Variants in PHACTR3 observed in about 807,000 individuals in gnomAD.
PHACTR3 encodes the protein phosphatase and actin regulator 3.
A neutral mutation model predicts 66.8 loss-of-function variants in PHACTR3; 16 were observed. The observed-to-expected ratio is 0.24, with a 90% CI of 0.16 to 0.36. PHACTR3 has a LOEUF of 0.36. Among genes scored for constraint, PHACTR3 ranks in the 10% least tolerant of loss-of-function variants. PHACTR3 has a pLI of 1.00. For synonymous variants in PHACTR3, 323 were observed against 292.1 expected (o/e 1.11, Z -1.08); for missense variants, 647 against 719.9 (o/e 0.90, Z 1.16).
chr20:59,747,534 T>C (rs1032045735), intron 2 of PHACTR3, among the ~76,000 whole-genome samples: 2 of 152,212 alleles, frequency 1.3e-5, no homozygotes, highest in African/African-American at 4.8e-5. Context: ...CTGTAGAATA[T>C]CTACTGCGTG....
chr20:59,605,643 C>T (rs550700174), intron 1 of PHACTR3, among the ~76,000 whole-genome samples: 1 of 152,188 alleles, frequency 6.6e-6, no homozygotes, highest in Non-Finnish European at 1.5e-5. Flanking sequence ...CGCTAGCCCC[C>T]GGACAGGTGT....
intron 1 of PHACTR3, among the ~76,000 whole-genome samples, chr20:59,678,479 C>G (rs1361939046): frequency 6.6e-6 from 1 of 152,050 alleles, no homozygotes; most frequent in Non-Finnish European, 1.5e-5. Context: ...TCTTAGGACC[C>G]GAGGAATGGC....
At chr20:59,747,125 G>A (rs150221339) in intron 2 of PHACTR3, among the ~76,000 whole-genome samples, 9 of 152,212 alleles carry the variant, frequency 5.9e-5, no homozygotes, top group Non-Finnish European at 1.2e-4. Context: ...GTTTTGCTCC[G>A]GGAAGGGGAG....
At chr20:59,614,509 C>T (rs2033964289) in intron 1 of PHACTR3, among the ~76,000 whole-genome samples, 1 of 152,166 alleles carries the variant, frequency 6.6e-6, no homozygotes, top group African/African-American at 2.4e-5. Flanking sequence ...ATCTAATGGT[C>T]ACGACATCTG....
intron 7 of PHACTR3, among the ~76,000 whole-genome samples, chr20:59,781,353 AC>A (rs1383730539): frequency 6.6e-6 from 1 of 152,198 alleles, no homozygotes; most frequent in African/African-American, 2.4e-5. Flanking sequence ...GCCATGAGCC[AC>A]CCGTCCCAGA....
intron 1 of PHACTR3, among the ~76,000 whole-genome samples, chr20:59,586,056 A>G (rs1274089814): frequency 2.0e-5 from 3 of 152,266 alleles, no homozygotes; most frequent in African/African-American, 7.2e-5. Flanking sequence ...ATCTTCTCCA[A>G]TACCCACCCT....
chr20:59,817,008 C>T (rs2041904756), intron 8 of PHACTR3, among the ~76,000 whole-genome samples: 1 of 152,174 alleles, frequency 6.6e-6, no homozygotes, highest in Non-Finnish European at 1.5e-5. Flanking sequence ...TCTGTCCATC[C>T]ATCCATGCAA....
At chr20:59,689,451 C>G (rs998645090) in intron 1 of PHACTR3, among the ~76,000 whole-genome samples, 1 of 152,202 alleles carries the variant, frequency 6.6e-6, no homozygotes, top group African/African-American at 2.4e-5. Flanking sequence ...GTGTGGGGAT[C>G]TTGAGGAGTT....
chr20:59,704,609 T>C (rs1033723745), intron 1 of PHACTR3, among the ~76,000 whole-genome samples: 2 of 149,956 alleles, frequency 1.3e-5, no homozygotes, highest in Admixed American at 1.3e-4. Flanking sequence ...ATGCACGTCT[T>C]ATAGTATTCC....
chr20:59,638,404 G>A (rs1473818623), intron 1 of PHACTR3, among the ~76,000 whole-genome samples: 3 of 149,524 alleles, frequency 2.0e-5, no homozygotes, highest in Admixed American at 2.0e-4. Flanking sequence ...GGATGGGCAG[G>A]TGGGTGGGTG....
At chr20:59,578,230 C>G (rs1228415927) in intron 1 of PHACTR3, among the ~76,000 whole-genome samples, 5 of 152,214 alleles carry the variant, frequency 3.3e-5, no homozygotes, top group African/African-American at 1.2e-4. Context: ...CCAGCTGGGC[C>G]AGGGAAGAGG....
intron 1 of PHACTR3, among the ~76,000 whole-genome samples, chr20:59,716,206 TTGTGTGTGTGTG>T (rs201782505): frequency 0.25 from 32,269 of 128,518 alleles, 4,475 homozygotes; most frequent in Non-Finnish European, 0.32. Flanking sequence ...CCTTCACCCT[TTGTGTGTGTGTG>T]TGTGTGTGTG....
chr20:59,777,776 A>C (rs1327389386), intron 7 of PHACTR3, among the ~76,000 whole-genome samples: 1 of 152,110 alleles, frequency 6.6e-6, no homozygotes, highest in Admixed American at 6.5e-5. Context: ...ATCCCAGGGT[A>C]CCTGGTTCTA....
chr20:59,730,975 C>A (rs2146718136), intron 1 of PHACTR3, among the ~76,000 whole-genome samples: 1 of 152,282 alleles, frequency 6.6e-6, no homozygotes, highest in South Asian at 2.1e-4. Flanking sequence ...AAACACAAAT[C>A]TGTTGGCTTA....
intron 1 of PHACTR3, among the ~76,000 whole-genome samples, chr20:59,711,770 T>C (rs2037922007): frequency 1.3e-5 from 2 of 152,214 alleles, no homozygotes; most frequent in Admixed American, 1.3e-4. Flanking sequence ...TGAAAAGTGT[T>C]ATGTAGAACC....
In PHACTR3 at chr20:59,847,173, C is replaced by A; in HGVS notation, c.*43C>A. 7.1e-7 allele frequency: 1 copy of A among 1,406,544 alleles called. No homozygotes were observed. Among genetic ancestry groups the A allele is most frequent in the Non-Finnish European group, 1.0e-6 (1 of 1,001,756 alleles). The allele number at this position is 1,406,544 out of a possible 1,614,324, so 87.1% of individuals were successfully genotyped here. A position where few individuals can be genotyped will look rare whatever the true frequency, so the allele number is the denominator to read the frequency against. On this transcript the variant is annotated 3_prime_UTR_variant, in exon 13 of 13. Coordinates refer to ENST00000371015, the MANE Select transcript of PHACTR3 (RefSeq NM_080672.5). ...GAATTTGTGTTTAATTTTTTGATACCAACACTGAACATTCATCAGGGAACT... is the reference window on the plus strand; with the variant it reads ...GAATTTGTGTTTAATTTTTTGATACAAACACTGAACATTCATCAGGGAACT...
chr20:59,802,711 C>T (rs1024845219), intron 7 of PHACTR3, among the ~76,000 whole-genome samples: 5 of 152,180 alleles, frequency 3.3e-5, no homozygotes, highest in Non-Finnish European at 7.3e-5. Flanking sequence ...AGAGAAGGAG[C>T]CGGCATTTGC....
At position 59,712,227 on chromosome 20, in the gene PHACTR3, A is replaced by T. The variant is rs138516258; in HGVS notation, c.119-30880A>T. Among the ~76,000 whole-genome samples the T allele has an allele frequency of 4.6e-5, 7 of 152,248 alleles. No individual in the cohort carries two copies. The East Asian group carries it at 9.7e-4, about 21-fold the overall frequency. ...AAATCTATCTTAGTGGGGGTATGAA[A>T]GATTTCCAGTGTGACTTTTCCCCAA... On this transcript the variant is annotated intron_variant, in intron 1 of 12. Transcript: ENST00000371015.
chr20:59,653,690 T>A (rs1272258578), intron 1 of PHACTR3, among the ~76,000 whole-genome samples: 1 of 151,890 alleles, frequency 6.6e-6, no homozygotes, highest in Non-Finnish European at 1.5e-5. Context: ...TATGTTAATG[T>A]TGTTATGAAT....
Sources: gnomAD v4.1 joint callset for allele counts (sites outside exome capture counted in the v4.1 genomes callset) on GRCh38, gnomAD v4.1.1 for gene constraint, MANE v1.5 for transcripts, NCBI Gene and HGNC (gene_info 2026-07-23, HGNC 2026-07-21) for gene names.